The following SLC2A9 variants were observed in gnomAD, a reference collection of about 807,000 sequenced individuals.
SLC2A9 encodes the protein solute carrier family 2, facilitated glucose transporter member 9.
In SLC2A9, 39 loss-of-function variants were observed where a neutral mutation model predicts 50.6. That is an observed-to-expected ratio of 0.77 (90% CI 0.60 to 1.01). The LOEUF (loss-of-function observed/expected upper bound fraction) is 1.01. Among genes scored for constraint, SLC2A9 ranks in the 50% least tolerant of loss-of-function variants. The pLI is 0.00. For synonymous variants in SLC2A9, 324 were observed against 276.9 expected (o/e 1.17, Z -1.69); for missense variants, 686 against 677.6 (o/e 1.01, Z -0.14).
chr4:9,799,700 C>CACCCA (rs139684538), intron 3 of SLC2A9, among the ~76,000 whole-genome samples: 32 of 93,636 alleles, frequency 3.4e-4, no homozygotes, highest in Non-Finnish European at 5.1e-4. Flanking sequence ...GTACCCCCCC[C>CACCCA]CCACCCAACT....
At chr4:9,949,805 A>G (rs1749884202) in intron 5 of SLC2A9, among the ~76,000 whole-genome samples, 1 of 152,206 alleles carries the variant, frequency 6.6e-6, no homozygotes, top group South Asian at 2.1e-4. Context: ...CAACTCCAAT[A>G]GCTCATGCTA....
intron 9 of SLC2A9, among the ~76,000 whole-genome samples, chr4:9,888,414 G>A (rs1417718453): frequency 2.0e-5 from 3 of 151,970 alleles, no homozygotes; most frequent in South Asian, 2.1e-4. Context: ...CTTGCAAGGT[G>A]TGAGATGCGT....
chr4:9,805,516 T>C (rs1482047344), intron 3 of SLC2A9, among the ~76,000 whole-genome samples: 2 of 152,068 alleles, frequency 1.3e-5, no homozygotes, highest in Non-Finnish European at 2.9e-5. Context: ...CTGGGCAACA[T>C]GGTGAAACCC....
At chr4:9,948,482 A>G (rs187805226) in intron 5 of SLC2A9, among the ~76,000 whole-genome samples, 1 of 152,162 alleles carries the variant, frequency 6.6e-6, no homozygotes, top group African/African-American at 2.4e-5. Flanking sequence ...CAGAACTGAC[A>G]AGCTTGACTT....
intron 8 of SLC2A9, among the ~76,000 whole-genome samples, chr4:9,898,647 G>T (rs958816080): frequency 6.6e-6 from 1 of 152,186 alleles, no homozygotes; most frequent in Non-Finnish European, 1.5e-5. Flanking sequence ...CCAGGCCGGG[G>T]CCTTTTTAAA....
At chr4:9,777,469 T>G (rs1717722552), downstream of SLC2A9, among the ~76,000 whole-genome samples, 1 of 152,168 alleles carries the variant, frequency 6.6e-6, no homozygotes. Flanking sequence ...TGTATTGTCT[T>G]GCTTCCACCC....
Position 9,834,742 on chromosome 4 carries a change from T to C in SLC2A9, c.1419+139A>G, listed in dbSNP as rs3775950. 0.11 allele frequency: 147,352 copies of C among 1,369,148 alleles called. 9,326 individuals are homozygous for C. The highest frequency in any genetic ancestry group is 0.26 in the African/African-American group (17,866 of 69,154). The allele number at this position is 1,369,148 out of a possible 1,614,324, so 84.8% of individuals were successfully genotyped here. ...GGGATGAAAGGTTTTGCCCAAAGCA[T>C]AGTTTCTTCCTTCCTTAGGAAAATA... On this transcript the variant is annotated intron_variant, in intron 11 of 11. Transcript: ENST00000264784.
intron 3 of SLC2A9, chr4:9,780,126 G>A (rs1450517895): frequency 6.6e-6 from 1 of 152,270 alleles, no homozygotes; most frequent in African/African-American, 2.4e-5. Flanking sequence ...CAGGAACAGG[G>A]GCCACAGGGA....
chr4:9,778,913 G>C (rs115683354), downstream of SLC2A9, among the ~76,000 whole-genome samples: 1 of 151,532 alleles, frequency 6.6e-6, no homozygotes. Flanking sequence ...TCTGCCTCCC[G>C]CACACCACCA....
Position 9,813,457 on chromosome 4 carries a change from C to T in SLC2A9, n.420+12963G>A, listed in dbSNP as rs150706987. 1.1e-3 allele frequency among the ~76,000 whole-genome samples: 166 copies of T among 152,316 alleles called. No homozygotes were observed. The Middle Eastern group carries it at 0.014, about 12-fold the overall frequency. ...GAGATGCAGCTCACATCTGCATCTG[C>T]ACCTGCCCTGGTCACCTGGAGCCAC... On this transcript the variant is annotated intron_variant and non_coding_transcript_variant, in intron 3 of 3. Transcript: ENST00000503280.
downstream of SLC2A9, among the ~76,000 whole-genome samples, chr4:9,775,579 C>T (rs566548949): frequency 2.4e-4 from 36 of 152,094 alleles, no homozygotes; most frequent in Admixed American, 1.1e-3. Flanking sequence ...GTGCTGTCTT[C>T]GAGATAGTGA....
At chr4:9,964,287 G>A (rs1752729704) in intron 5 of SLC2A9, among the ~76,000 whole-genome samples, 1 of 152,058 alleles carries the variant, frequency 6.6e-6, no homozygotes, top group Admixed American at 6.6e-5. Context: ...CTTCCCAGCT[G>A]GTGCCAGTTC....
At chr4:9,977,663 C>T (rs1239967824) in intron 5 of SLC2A9, among the ~76,000 whole-genome samples, 1 of 151,886 alleles carries the variant, frequency 6.6e-6, no homozygotes, top group Non-Finnish European at 1.5e-5. Flanking sequence ...CATTGCCTCT[C>T]TCTTCCTACA....
intron 6 of SLC2A9, among the ~76,000 whole-genome samples, chr4:9,931,950 CTCTCTCTCTCTCTATATATA>C (rs1408411146): frequency 6.8e-5 from 4 of 58,656 alleles, no homozygotes; most frequent in African/African-American, 1.1e-4. Flanking sequence ...CTCTCTCTCT[CTCTCTCTCTCTCTATATATA>C]TATATATATA....
intron 1 of SLC2A9, among the ~76,000 whole-genome samples, chr4:10,027,675 C>A (rs772431275): frequency 9.9e-5 from 15 of 151,914 alleles, no homozygotes; most frequent in South Asian, 2.1e-4. Flanking sequence ...GCATTGGGGC[C>A]GAGTGTCCTT....
At chr4:10,034,668 AACAGGTGTGCAG>A (rs1454304385) in intron 1 of SLC2A9, 4 of 152,424 alleles carry the variant, frequency 2.6e-5, no homozygotes, top group African/African-American at 7.2e-5. Flanking sequence ...CTCATCTGTA[AACAGGTGTGCAG>A]ACAATGATGC....
At chr4:9,787,411 C>G (rs1050372867) in intron 3 of SLC2A9, among the ~76,000 whole-genome samples, 1 of 152,180 alleles carries the variant, frequency 6.6e-6, no homozygotes, top group African/African-American at 2.4e-5. Context: ...CAACACGGTA[C>G]AAAGAATTTC....
intron 2 of SLC2A9, among the ~76,000 whole-genome samples, chr4:9,998,977 G>A (rs1197626045): frequency 2.0e-5 from 3 of 151,314 alleles, no homozygotes; most frequent in Non-Finnish European, 4.4e-5. Context: ...TATATAGACG[G>A]TAAAACTACA....
chr4:9,858,418 AG>A (rs1731085941), intron 10 of SLC2A9, among the ~76,000 whole-genome samples: 1 of 152,212 alleles, frequency 6.6e-6, no homozygotes, highest in Admixed American at 6.5e-5. Context: ...TATGGTGGAA[AG>A]GGGTGGCATT....
Sources: gnomAD v4.1 joint callset for allele counts (sites outside exome capture counted in the v4.1 genomes callset) on GRCh38, gnomAD v4.1.1 for gene constraint, MANE v1.5 for transcripts, NCBI Gene and HGNC (gene_info 2026-07-23, HGNC 2026-07-21) for gene names.